Variants in PDE8B observed in about 807,000 individuals in gnomAD.
The protein encoded by PDE8B is phosphodiesterase 8B.
In PDE8B, 26 loss-of-function variants were observed where a neutral mutation model predicts 101.3. The observed-to-expected ratio is 0.26, with a 90% CI of 0.19 to 0.36. The LOEUF is 0.36. Ranked by LOEUF, PDE8B falls within the 10% of genes least tolerant of loss-of-function variation. PDE8B has a pLI of 1.00. For missense variants in PDE8B, 810 were observed against 1,163.1 expected (o/e 0.70, Z 4.42); for synonymous variants, 424 against 429.3 (o/e 0.99, Z 0.15).
the PDE8B span, among the ~76,000 whole-genome samples, chr5:77,150,424 C>A: frequency 2.6e-5 from 4 of 151,976 alleles, no homozygotes; most frequent in Non-Finnish European, 5.9e-5. Context: ...AACTTTTCTC[C>A]CTTCCTCTTT....
chr5:77,273,398 A>G (rs975756647), intron 1 of PDE8B, among the ~76,000 whole-genome samples: 30 of 152,216 alleles, frequency 2.0e-4, no homozygotes, highest in Admixed American at 1.9e-3. Flanking sequence ...GTTTTTTAAA[A>G]TTTACTAAAC....
At chr5:77,336,381 T>C (rs559166366) in intron 5 of PDE8B, among the ~76,000 whole-genome samples, 1 of 152,292 alleles carries the variant, frequency 6.6e-6, no homozygotes, top group East Asian at 1.9e-4. Context: ...AAGCGGTCAC[T>C]CCTAGTCCTC....
chr5:77,365,862 C>G (rs1784027236), intron 10 of PDE8B, among the ~76,000 whole-genome samples: 1 of 152,176 alleles, frequency 6.6e-6, no homozygotes, highest in Non-Finnish European at 1.5e-5. Flanking sequence ...GGAGGTGCTT[C>G]CGTAGGGGTA....
chr5:77,111,754 T>G, the PDE8B span: 3 of 152,212 alleles, frequency 2.0e-5, no homozygotes, highest in Non-Finnish European at 2.9e-5. Context: ...GTGAAAGGCT[T>G]TTAAGTGTAA....
chr5:77,152,414 T>C, the PDE8B span, among the ~76,000 whole-genome samples: 4,966 of 152,320 alleles, frequency 0.033, 249 homozygotes, highest in African/African-American at 0.11. Context: ...TGATTCTATC[T>C]TAGATTACGC....
chr5:77,256,408 C>G (rs1759184836), intron 1 of PDE8B, among the ~76,000 whole-genome samples: 1 of 152,128 alleles, frequency 6.6e-6, no homozygotes, highest in East Asian at 1.9e-4. Flanking sequence ...CCTGAAAGTC[C>G]CTCTACTTCA....
chr5:77,175,821 TTATA>T, the PDE8B span, among the ~76,000 whole-genome samples: 1 of 152,198 alleles, frequency 6.6e-6, no homozygotes, highest in Non-Finnish European at 1.5e-5. Flanking sequence ...CACCACCGAT[TTATA>T]TATATGCATG....
At chr5:77,157,081 G>C in the PDE8B span, among the ~76,000 whole-genome samples, 1 of 151,980 alleles carries the variant, frequency 6.6e-6, no homozygotes, top group Non-Finnish European at 1.5e-5. Flanking sequence ...TTCTTTAATC[G>C]CCCCTCCAGC....
chr5:77,341,925 G>T lies in PDE8B; in HGVS notation c.798-2928G>T, dbSNP rs115095058. ...ACTACTGCGCCTGTAAGCCATTTCA[G>T]TTGAGTTAGGTTAATATTCTCCTCT... On this transcript the variant is annotated intron_variant, in intron 6 of 21. Coordinates refer to ENST00000264917, the MANE Select transcript of PDE8B (RefSeq NM_003719.5). Among the ~76,000 whole-genome samples, 647 of 152,276 alleles carry T rather than the reference G, an allele frequency of 4.2e-3. 3 individuals carry two copies. Among genetic ancestry groups the T allele is most frequent in the Non-Finnish European group, 7.5e-3 (508 of 68,022 alleles).
chr5:77,122,725 A>G, the PDE8B span, among the ~76,000 whole-genome samples: 1 of 152,244 alleles, frequency 6.6e-6, no homozygotes, highest in Non-Finnish European at 1.5e-5. Context: ...GCCTGAGCTG[A>G]CACTAAAAAT....
At chr5:77,320,003 A>G (rs1268449058) in intron 2 of PDE8B, among the ~76,000 whole-genome samples, 2 of 152,166 alleles carry the variant, frequency 1.3e-5, no homozygotes, top group Non-Finnish European at 2.9e-5. Flanking sequence ...TTTTAGCTTT[A>G]TATTTTTTCA....
chr5:77,126,263 C>T, the PDE8B span, among the ~76,000 whole-genome samples: 19 of 150,200 alleles, frequency 1.3e-4, no homozygotes, highest in East Asian at 7.8e-4. Context: ...CCAGCCTGGG[C>T]GACAGAGCAA....
At chr5:77,152,490 C>T in the PDE8B span, among the ~76,000 whole-genome samples, 1 of 152,094 alleles carries the variant, frequency 6.6e-6, no homozygotes, top group Non-Finnish European at 1.5e-5. Flanking sequence ...TCTCCTGCAC[C>T]CAGCTCTGGA....
Position 77,210,689 on chromosome 5 carries a change from C to T in PDE8B, c.-237C>T. On this transcript the variant is annotated 5_prime_UTR_variant, in exon 1 of 22. Coordinates refer to ENST00000264917, the MANE Select transcript of PDE8B (RefSeq NM_003719.5). This position sits in a 1 kb window ranked among gnomAD's most constrained non-coding sequence, Gnocchi z 4.9. ...GTGCGCGCGGGGCGCTGTGTATGCG[C>T]GCTCCCCCGCTCGGGGAGGAAGATG... 1.0e-6 allele frequency: 1 copy of T among 979,868 alleles called. No homozygotes were observed. The highest frequency in any genetic ancestry group is 1.2e-6 in the Non-Finnish European group (1 of 827,230). 60.7% of individuals were successfully genotyped at this position (979,868 alleles called of 1,614,324 possible). A position where few individuals can be genotyped will look rare whatever the true frequency, so the allele number is the denominator to read the frequency against.
intron 10 of PDE8B, among the ~76,000 whole-genome samples, chr5:77,378,127 T>A (rs1786638437): frequency 6.6e-6 from 1 of 151,770 alleles, no homozygotes; most frequent in African/African-American, 2.4e-5. Context: ...AACTGAGACT[T>A]AGTAAAGCTC....
chr5:77,280,666 C>T (rs909392578), intron 1 of PDE8B, among the ~76,000 whole-genome samples: 4 of 152,050 alleles, frequency 2.6e-5, no homozygotes, highest in Admixed American at 6.6e-5. Flanking sequence ...GAGTCCAAGG[C>T]GGGTGGATCA....
the PDE8B span, chr5:77,144,166 A>G: frequency 6.6e-6 from 1 of 152,408 alleles, no homozygotes; most frequent in African/African-American, 2.4e-5. Flanking sequence ...TCTGTGGGGC[A>G]GTAGGACCAC....
intron 1 of PDE8B, among the ~76,000 whole-genome samples, chr5:77,281,758 T>A (rs1765049449): frequency 6.6e-6 from 1 of 152,190 alleles, no homozygotes; most frequent in Non-Finnish European, 1.5e-5. Context: ...GTTCCAGGGA[T>A]CAGGACCTGG....
chr5:77,405,579 T>G (rs1793257911), intron 12 of PDE8B, among the ~76,000 whole-genome samples: 2 of 151,984 alleles, frequency 1.3e-5, no homozygotes, highest in African/African-American at 4.8e-5. Context: ...GGGTGTGTGA[T>G]GTGCATGTAG....
Sources: allele counts gnomAD v4.1 joint callset (sites outside exome capture counted in the v4.1 genomes callset), GRCh38; gene constraint gnomAD v4.1.1; non-coding constraint Gnocchi (gnomAD v3.1); transcripts MANE v1.5; gene names NCBI Gene and HGNC (gene_info 2026-07-23, HGNC 2026-07-21).